The following CORIN variants were observed in gnomAD, a reference collection of about 807,000 sequenced individuals.
CORIN encodes atrial natriuretic peptide-converting enzyme.
In CORIN, 117 loss-of-function variants were observed where a neutral mutation model predicts 125.3. The observed-to-expected ratio is 0.93, with a 90% confidence interval of 0.80 to 1.09. The LOEUF (loss-of-function observed/expected upper bound fraction) is 1.09, where lower values mean the gene tolerates loss of function less well. Among genes scored for constraint, CORIN ranks in the 50% least tolerant of loss-of-function variants. The pLI, the probability that CORIN is intolerant of heterozygous loss-of-function variation, is 0.00. For missense variants in CORIN, 1,253 were observed against 1,306.7 expected (o/e 0.96, Z 0.63); for synonymous variants, 450 against 466.4 (o/e 0.96, Z 0.45).
At chr4:47,738,813 AC>A (rs1382427118) in intron 5 of CORIN, among the ~76,000 whole-genome samples, 1 of 152,096 alleles carries the variant, frequency 6.6e-6, no homozygotes, top group Non-Finnish European at 1.5e-5. Flanking sequence ...TTTCTAGAGA[AC>A]TAAAGGGAAG....
chr4:47,661,484 T>C (rs963680992), intron 12 of CORIN: 1 of 474,202 alleles, frequency 2.1e-6, no homozygotes, highest in South Asian at 3.5e-5. Context: ...AATAAAAGAA[T>C]AGAAATAGAA....
rs1728582839 is a variant in CORIN at position 47,744,676 on chromosome 4, A to C, written c.618-93T>G. 3.3e-6 allele frequency: 4 copies of C among 1,203,716 alleles called. No homozygotes were observed. In the Admixed American group the frequency reaches 7.5e-5, roughly 23 times the overall value. The allele number at this position is 1,203,716 out of a possible 1,614,324, so 74.6% of individuals were successfully genotyped here. ...AATTAAAGTTAGCCCCTGTGTTGTG[A>C]TATTATCTTAATTTATACTTACTAT... On this transcript the variant is annotated intron_variant, in intron 4 of 21. Coordinates refer to ENST00000273857, the MANE Select transcript of CORIN (RefSeq NM_006587.4).
chr4:47,647,584 G>A (rs533831044), intron 13 of CORIN, among the ~76,000 whole-genome samples: 15 of 152,160 alleles, frequency 9.9e-5, no homozygotes, highest in Admixed American at 3.9e-4. Context: ...CTAGATATTA[G>A]CTTTAATTCT....
intron 2 of CORIN, among the ~76,000 whole-genome samples, chr4:47,795,405 A>G (rs1439068666): frequency 1.3e-5 from 2 of 152,124 alleles, no homozygotes; most frequent in Non-Finnish European, 2.9e-5. Flanking sequence ...TAATTCCTCC[A>G]GTCAATGAAT....
intron 5 of CORIN, among the ~76,000 whole-genome samples, chr4:47,723,652 C>A (rs1727452564): frequency 6.6e-6 from 1 of 152,106 alleles, no homozygotes; most frequent in South Asian, 2.1e-4. Flanking sequence ...CCCAGAATAT[C>A]ATAATATTTT....
intron 6 of CORIN, among the ~76,000 whole-genome samples, chr4:47,692,695 A>G (rs772076971): frequency 7.9e-5 from 12 of 152,204 alleles, no homozygotes; most frequent in Admixed American, 7.9e-4. Flanking sequence ...TTCTCACCCA[A>G]TCAAAATAAA....
At chr4:47,661,231 A>G (rs1724235810) in intron 12 of CORIN, among the ~76,000 whole-genome samples, 1 of 152,194 alleles carries the variant, frequency 6.6e-6, no homozygotes, top group Non-Finnish European at 1.5e-5. Context: ...ACAGAAATAT[A>G]GTTAGATAGA....
intron 5 of CORIN, among the ~76,000 whole-genome samples, chr4:47,703,133 G>C (rs562495799): frequency 1.3e-5 from 2 of 152,072 alleles, no homozygotes; most frequent in Non-Finnish European, 2.9e-5. Flanking sequence ...GATAACCAGC[G>C]GTTGGATGCC....
At chr4:47,603,055 A>C (rs1410518562) in intron 20 of CORIN, among the ~76,000 whole-genome samples, 3 of 151,940 alleles carry the variant, frequency 2.0e-5, no homozygotes, top group Non-Finnish European at 4.4e-5. Context: ...TTCCCACCCA[A>C]ATCTCATCTT....
intron 2 of CORIN, among the ~76,000 whole-genome samples, chr4:47,805,541 T>C (rs141639581): frequency 6.6e-6 from 1 of 152,324 alleles, no homozygotes; most frequent in East Asian, 1.9e-4. Context: ...TCTGCCTTCA[T>C]TTCTTTCTGC....
intron 3 of CORIN, among the ~76,000 whole-genome samples, chr4:47,772,781 A>G (rs1730109697): frequency 6.6e-6 from 1 of 152,178 alleles, no homozygotes; most frequent in Non-Finnish European, 1.5e-5. Flanking sequence ...TTTTGCTATT[A>G]TTATTATCTC....
chr4:47,760,885 C>T (rs747853165), intron 4 of CORIN, among the ~76,000 whole-genome samples: 10 of 152,208 alleles, frequency 6.6e-5, no homozygotes, highest in Non-Finnish European at 1.0e-4. Context: ...TCATCTTGCA[C>T]ATTTATGTCA....
intron 5 of CORIN, among the ~76,000 whole-genome samples, chr4:47,705,160 C>CT (rs34899895): frequency 6.6e-6 from 1 of 152,172 alleles, no homozygotes; most frequent in Non-Finnish European, 1.5e-5. Flanking sequence ...ATTTCTACTG[C>CT]TTTTTTTCCC....
Position 47,673,453 on chromosome 4 carries a change from G to A in CORIN, c.1357+940C>T, listed in dbSNP as rs563300145. On this transcript the variant is annotated intron_variant, in intron 10 of 21. Transcript: ENST00000273857. ...GCTTTTAAATTTCTAATCCCAACCT[G>A]AAAATGCAGCAAAAAGTTCATTAGA... Among the ~76,000 whole-genome samples the A allele has an allele frequency of 4.0e-5, 6 of 151,324 alleles. No individual in the cohort carries two copies. In the East Asian group the frequency reaches 7.7e-4, roughly 20 times the overall value.
chr4:47,828,891 G>A (rs1426556063), intron 1 of CORIN, among the ~76,000 whole-genome samples: 1 of 152,068 alleles, frequency 6.6e-6, no homozygotes, highest in African/African-American at 2.4e-5. Context: ...CGGCGCGGTG[G>A]CTCATGCCTG....
intron 16 of CORIN, chr4:47,632,421 C>G (rs1722841069): frequency 6.6e-6 from 1 of 152,176 alleles, no homozygotes; most frequent in South Asian, 2.1e-4. Flanking sequence ...TTTCAAAAAT[C>G]TCTTCTTGAA....
chr4:47,694,861 AC>A (rs1725916571), intron 5 of CORIN, among the ~76,000 whole-genome samples: 1 of 152,188 alleles, frequency 6.6e-6, no homozygotes, highest in Non-Finnish European at 1.5e-5. Context: ...CAGAAAAAAA[AC>A]AAAATTAATG....
intron 16 of CORIN, 77 bp from the exon 17 acceptor site, chr4:47,626,598 ATTCCCTTTC>A: frequency 1.1e-6 from 1 of 900,254 alleles, no homozygotes; most frequent in South Asian, 1.3e-5. Context: ...TTTAGCACTC[ATTCCCTTTC>A]AAAAAGAAGC....
At chr4:47,668,496 C>T (rs906387813) in intron 10 of CORIN, among the ~76,000 whole-genome samples, 1 of 152,228 alleles carries the variant, frequency 6.6e-6, no homozygotes, top group African/African-American at 2.4e-5. Context: ...GACCATCTTA[C>T]AAGTCAGCAC....
Sources: gnomAD v4.1 joint callset for allele counts (sites outside exome capture counted in the v4.1 genomes callset) on GRCh38, gnomAD v4.1.1 for gene constraint, MANE v1.5 for transcripts, NCBI Gene and HGNC (gene_info 2026-07-23, HGNC 2026-07-21) for gene names.